Variants in PAIP1 observed in about 807,000 individuals in gnomAD.
PAIP1 encodes the protein polyadenylate-binding protein-interacting protein 1.
Under a neutral mutation model 61.3 loss-of-function variants are expected in PAIP1, and 16 were observed. That is an observed-to-expected ratio of 0.26 (90% CI 0.18 to 0.40). PAIP1 has a LOEUF of 0.40. PAIP1 is among the 10% of genes least tolerant of loss of function. The probability of loss-of-function intolerance (pLI) is 1.00; values close to 1 mark genes in which losing one functional copy is unlikely to be tolerated. For missense variants in PAIP1, 416 were observed against 600.9 expected, an observed-to-expected ratio of 0.69 and a Z score of 3.22; for synonymous variants, 187 against 226.2, an observed-to-expected ratio of 0.83 and a Z score of 1.56.
chr5:43,527,839 T>C (rs1746768345), intron 10 of PAIP1, among the ~76,000 whole-genome samples: 1 of 152,188 alleles, frequency 6.6e-6, no homozygotes, highest in African/African-American at 2.4e-5. Context: ...TAATAGAACA[T>C]AATTTCAAAT....
At chr5:43,534,396 T>C (rs1747062443) in intron 8 of PAIP1, among the ~76,000 whole-genome samples, 1 of 152,146 alleles carries the variant, frequency 6.6e-6, no homozygotes, top group Non-Finnish European at 1.5e-5. Flanking sequence ...ACGGGGTTTC[T>C]CCACGTTGGT....
At chr5:43,534,761 C>T (rs1455534152) in intron 8 of PAIP1, 92 bp downstream of exon 8, 2 of 740,892 alleles carry the variant, frequency 2.7e-6, no homozygotes, top group Non-Finnish European at 4.8e-6. Flanking sequence ...TTATTAGGCA[C>T]TGAATTCTGA....
chr5:43,531,746 C>T (rs1350349034), intron 9 of PAIP1, among the ~76,000 whole-genome samples: 1 of 150,566 alleles, frequency 6.6e-6, no homozygotes, highest in African/African-American at 2.4e-5. Flanking sequence ...AAAAAGTACA[C>T]CTGGGTAAAA....
intron 2 of PAIP1, among the ~76,000 whole-genome samples, chr5:43,549,682 T>C (rs1380564236): frequency 6.6e-6 from 1 of 152,106 alleles, no homozygotes; most frequent in Non-Finnish European, 1.5e-5. Flanking sequence ...ATAACCATCA[T>C]TTGGAGGTCA....
chr5:43,537,673 A>G (rs985275624), intron 5 of PAIP1, among the ~76,000 whole-genome samples: 8 of 152,076 alleles, frequency 5.3e-5, no homozygotes, highest in Admixed American at 3.3e-4. Flanking sequence ...AGAAGGTATA[A>G]GCTTATATCT....
In PAIP1 at chr5:43,538,799, T is replaced by C. The variant is rs958806442; in HGVS notation, c.846+125A>G. The C allele has an allele frequency of 6.5e-6, 4 of 612,454 alleles. No homozygotes were observed. In the Admixed American group the frequency reaches 8.0e-5, roughly 12 times the overall value. The allele number at this position is 612,454 out of a possible 1,614,324, so 37.9% of individuals were successfully genotyped here. A position where few individuals can be genotyped will look rare whatever the true frequency, so the allele number is the denominator to read the frequency against. ...ACACTAGCAGGTGCCGAAACATGTT[T>C]TCTTTCCTCTCTCTTTCATTTCACT... On this transcript the variant is annotated intron_variant, in intron 5 of 10. Coordinates refer to ENST00000306846, the MANE Select transcript of PAIP1 (RefSeq NM_006451.5).
intron 10 of PAIP1, among the ~76,000 whole-genome samples, chr5:43,528,582 G>C (rs1399682294): frequency 6.6e-6 from 1 of 152,024 alleles, no homozygotes; most frequent in African/African-American, 2.4e-5. Context: ...AGTTCTGCCT[G>C]GGTCCTTAAA....
intron 2 of PAIP1, among the ~76,000 whole-genome samples, chr5:43,554,526 T>C (rs1343620579): frequency 6.6e-6 from 1 of 152,144 alleles, no homozygotes; most frequent in Non-Finnish European, 1.5e-5. Flanking sequence ...ATGGAGTATC[T>C]AAAACATGGA....
At position 43,556,774 on chromosome 5, in the gene PAIP1, C is replaced by A; in HGVS notation, c.73G>T (p.Gly25Trp). ...RSRGLGRGGG[G>W]PEGGGFPNGA... ...TTCGGGAAACCGCCGCCCTCAGGCCCGCCCCCTCCGCGGCCCAGGCCCCGG... is the reference window on the plus strand; with the variant it reads ...TTCGGGAAACCGCCGCCCTCAGGCCAGCCCCCTCCGCGGCCCAGGCCCCGG... Residue 25 changes from glycine to tryptophan, a missense_variant, in exon 1 of 11, where the codon GGG becomes TGG. By Grantham distance (184) the Gly-to-Trp change is radical. Around this residue, in one of 4 missense-constraint regions of PAIP1, gnomAD observed 97 missense variants for 89.5 expected, o/e 1.08. Coordinates refer to ENST00000306846, the MANE Select transcript of PAIP1 (RefSeq NM_006451.5). 1.4e-6 allele frequency: 2 copies of A among 1,437,874 alleles called. No homozygotes were observed. Among genetic ancestry groups the A allele is most frequent in the South Asian group, 1.4e-5 (1 of 71,706 alleles). 89.1% of individuals were successfully genotyped at this position (1,437,874 alleles called of 1,614,324 possible).
rs369954867 is a variant in PAIP1 at position 43,531,656 on chromosome 5, C to CAAAAAAAAAAAAAAAAAAAAAAAAAAAA, written c.1253-1778_1253-1777insTTTTTTTTTTTTTTTTTTTTTTTTTTTT. Among the ~76,000 whole-genome samples the CAAAAAAAAAAAAAAAAAAAAAAAAAAAA allele has an allele frequency of 8.0e-4, 48 of 59,866 alleles. 3 individuals carry two copies. Among genetic ancestry groups the CAAAAAAAAAAAAAAAAAAAAAAAAAAAA allele is most frequent in the East Asian group, 7.4e-3 (5 of 678 alleles). 39.3% of individuals were successfully genotyped at this position (59,866 alleles called of 152,430 possible). On this transcript the variant is annotated intron_variant, in intron 9 of 10. Transcript: ENST00000306846. ...TGGGTAACAGAGTGAGACTCTGTCT[C>CAAAAAAAAAAAAAAAAAAAAAAAAAAAA]AAAAAAAAAAAAAAAAAAAAAGAGA... is the stretch of plus-strand genomic sequence containing the variant.
chr5:43,542,105 G>A (rs1747437874), intron 4 of PAIP1, among the ~76,000 whole-genome samples: 2 of 151,664 alleles, frequency 1.3e-5, no homozygotes, highest in Admixed American at 1.3e-4. Context: ...GAGCCTCAGA[G>A]GTAGAGGTTG....
chr5:43,555,598 CAAG>C (rs1748027006), intron 2 of PAIP1, among the ~76,000 whole-genome samples: 1 of 152,202 alleles, frequency 6.6e-6, no homozygotes, highest in Non-Finnish European at 1.5e-5. Flanking sequence ...TCACTAGAAA[CAAG>C]AACACAGATG....
At chr5:43,550,102 T>G (rs1747803809) in intron 2 of PAIP1, among the ~76,000 whole-genome samples, 1 of 152,156 alleles carries the variant, frequency 6.6e-6, no homozygotes, top group Non-Finnish European at 1.5e-5. Context: ...TAAAACCAGC[T>G]GCAGAAATAG....
At chr5:43,544,209 G>C (rs965322294) in intron 3 of PAIP1, among the ~76,000 whole-genome samples, 3 of 115,226 alleles carry the variant, frequency 2.6e-5, no homozygotes, top group African/African-American at 9.8e-5. Flanking sequence ...ATTGAACATA[G>C]AATCTAGATC....
chr5:43,539,972 C>G (rs1233702584), intron 4 of PAIP1, among the ~76,000 whole-genome samples: 3 of 152,168 alleles, frequency 2.0e-5, no homozygotes, highest in East Asian at 1.9e-4. Flanking sequence ...TTTTCCTTTT[C>G]AAGACAAAGG....
At chr5:43,547,427 C>T (rs576522727) in intron 3 of PAIP1, among the ~76,000 whole-genome samples, 4 of 152,220 alleles carry the variant, frequency 2.6e-5, no homozygotes, top group South Asian at 2.1e-4. Context: ...ATGTAGCCTT[C>T]GTTTTCAGTG....
intron 5 of PAIP1, among the ~76,000 whole-genome samples, chr5:43,537,285 G>A (rs761752619): frequency 6.6e-6 from 1 of 151,996 alleles, no homozygotes; most frequent in Non-Finnish European, 1.5e-5. Context: ...TTTAAAATAT[G>A]GTATTTTGCA....
chr5:43,528,541 A>G (rs1477165407), intron 10 of PAIP1, among the ~76,000 whole-genome samples: 1 of 152,216 alleles, frequency 6.6e-6, no homozygotes, highest in Non-Finnish European at 1.5e-5. Context: ...TTTATCTTCC[A>G]GCGGTATACC....
intron 2 of PAIP1, 81 bp downstream of exon 2, chr5:43,555,745 GCACA>G: frequency 8.3e-7 from 1 of 1,207,378 alleles, no homozygotes; most frequent in Non-Finnish European, 1.2e-6. Flanking sequence ...AGTACAGAAA[GCACA>G]AACATACTCT....
Sources: allele counts gnomAD v4.1 joint callset (sites outside exome capture counted in the v4.1 genomes callset), GRCh38; gene constraint gnomAD v4.1.1; regional missense constraint gnomAD v4.1.1; transcripts MANE v1.5; gene names NCBI Gene and HGNC (gene_info 2026-07-23, HGNC 2026-07-21).